Variants in LRP6 observed in about 807,000 individuals in gnomAD.
LRP6 encodes LDL receptor related protein 6.
A neutral mutation model predicts 184.1 loss-of-function variants in LRP6; 43 were observed. That is an observed-to-expected ratio of 0.23 (90% confidence interval 0.18 to 0.30). LRP6 has a LOEUF of 0.30. LRP6 is among the 10% of genes least tolerant of loss of function. The pLI, the probability that LRP6 is intolerant of heterozygous loss-of-function variation, is 1.00. For missense variants in LRP6, 1,571 were observed against 2,005.3 expected, an observed-to-expected ratio of 0.78 and a Z score of 4.14; for synonymous variants, 719 against 684.9, an observed-to-expected ratio of 1.05 and a Z score of -0.78.
At chr12:12,177,412 A>C (rs1261312823) in intron 7 of LRP6, among the ~76,000 whole-genome samples, 2 of 152,276 alleles carry the variant, frequency 1.3e-5, no homozygotes, top group South Asian at 2.1e-4. Context: ...TCTTTGTAAA[A>C]GTTTTCAAGT....
chr12:12,139,022 ACT>A (rs1361052297), intron 15 of LRP6: 2 of 1,298,362 alleles, frequency 1.5e-6, no homozygotes, highest in Non-Finnish European at 2.0e-6. Context: ...AGTCATCCAG[ACT>A]CTGAGGAGGC....
intron 1 of LRP6, among the ~76,000 whole-genome samples, chr12:12,247,851 C>T (rs957894946): frequency 2.6e-5 from 4 of 152,132 alleles, no homozygotes; most frequent in African/African-American, 9.7e-5. Context: ...AAATAATCAC[C>T]ATCACTTCTC....
At chr12:12,177,406 T>C (rs1171548173) in intron 7 of LRP6, among the ~76,000 whole-genome samples, 1 of 152,182 alleles carries the variant, frequency 6.6e-6, no homozygotes, top group Admixed American at 6.5e-5. Flanking sequence ...TATACATCTT[T>C]GTAAAAGTTT....
intron 2 of LRP6, among the ~76,000 whole-genome samples, chr12:12,228,574 C>G (rs7960716): frequency 0.13 from 19,691 of 152,152 alleles, 1,657 homozygotes; most frequent in African/African-American, 0.24. Context: ...TAGGAACTGG[C>G]CGCACAGCAG....
intron 7 of LRP6, among the ~76,000 whole-genome samples, chr12:12,171,421 T>C (rs927198843): frequency 3.3e-5 from 5 of 151,252 alleles, no homozygotes; most frequent in Admixed American, 1.3e-4. Context: ...ACTCAGGAGG[T>C]TGAGGCAGGA....
At chr12:12,185,502 G>C (rs1275804217) in intron 4 of LRP6, among the ~76,000 whole-genome samples, 1 of 152,126 alleles carries the variant, frequency 6.6e-6, no homozygotes, top group East Asian at 1.9e-4. Context: ...AACATATGTT[G>C]CAAAATCTCT....
At chr12:12,255,261 A>T (rs1401254705) in intron 1 of LRP6, among the ~76,000 whole-genome samples, 1 of 151,920 alleles carries the variant, frequency 6.6e-6, no homozygotes, top group East Asian at 1.9e-4. Flanking sequence ...AAGAAAGTAG[A>T]TGCACAACTT....
Position 12,267,024 on chromosome 12 carries a change from C to G in LRP6, c.-289G>C. ...GCAGCTCCTCATTCAGCCTCTGCCTCGCGCAGCGGCGCAGGGATACGGTCG... is the reference window on the plus strand; with the variant it reads ...GCAGCTCCTCATTCAGCCTCTGCCTGGCGCAGCGGCGCAGGGATACGGTCG... On this transcript the variant is annotated 5_prime_UTR_variant, in exon 1 of 23. Coordinates refer to ENST00000261349, the MANE Select transcript of LRP6 (RefSeq NM_002336.3). 1 of 469,370 alleles carries G rather than the reference C, an allele frequency of 2.1e-6. No homozygotes were observed. Among genetic ancestry groups the G allele is most frequent in the Non-Finnish European group, 3.8e-6 (1 of 266,348 alleles). The allele number at this position is 469,370 out of a possible 1,614,324, so 29.1% of individuals were successfully genotyped here. A position where few individuals can be genotyped will look rare whatever the true frequency, so the allele number is the denominator to read the frequency against.
intron 1 of LRP6, among the ~76,000 whole-genome samples, chr12:12,256,494 G>A (rs377033622): frequency 6.6e-6 from 1 of 150,678 alleles, no homozygotes; most frequent in African/African-American, 2.4e-5. Context: ...CTGGGTGACA[G>A]AGACACCAGC....
At chr12:12,176,542 GTACAATA>G (rs1753661908) in intron 7 of LRP6, among the ~76,000 whole-genome samples, 1 of 152,010 alleles carries the variant, frequency 6.6e-6, no homozygotes, top group Non-Finnish European at 1.5e-5. Flanking sequence ...CTACAACTCT[GTACAATA>G]TAAAAACACA....
At chr12:12,262,080 T>G (rs889256289) in intron 1 of LRP6, among the ~76,000 whole-genome samples, 1 of 152,044 alleles carries the variant, frequency 6.6e-6, no homozygotes, top group African/African-American at 2.4e-5. Context: ...CCATCTCTAC[T>G]AAAAATACAA....
In LRP6 at chr12:12,244,258, T is replaced by G. The variant is rs760037288; in HGVS notation, c.449+4A>C. 6.2e-7 allele frequency: 1 copy of G among 1,614,074 alleles called. No homozygotes were observed. The highest frequency in any genetic ancestry group is 8.5e-7 in the Non-Finnish European group (1 of 1,179,978). ...TGATCTTCGTACACTGTACAAAAAC[T>G]TACCCACTTGAAGGATCTAAGGCAA... On this transcript the variant is annotated splice_donor_region_variant and intron_variant, in intron 2 of 22. Transcript: ENST00000261349.
intron 3 of LRP6, among the ~76,000 whole-genome samples, chr12:12,198,311 T>C (rs115809851): frequency 6.6e-6 from 1 of 152,156 alleles, no homozygotes. Context: ...ATTATCTGTA[T>C]GTTGTTTCTT....
At chr12:12,245,906 A>G (rs1434137284) in intron 1 of LRP6, among the ~76,000 whole-genome samples, 1 of 152,058 alleles carries the variant, frequency 6.6e-6, no homozygotes, top group Non-Finnish European at 1.5e-5. Flanking sequence ...TCTCCACTGC[A>G]TAACACAGTA....
intron 15 of LRP6, among the ~76,000 whole-genome samples, chr12:12,139,403 T>A (rs576357164): frequency 1.3e-5 from 2 of 152,270 alleles, no homozygotes; most frequent in East Asian, 1.9e-4. Flanking sequence ...ATATATTCTC[T>A]CCTAAAACTC....
chr12:12,245,408 G>A lies in LRP6; in HGVS notation c.56-753C>T, dbSNP rs114609051. ...AAAAACACAAAGCAGATCAATGGCT[G>A]TCTCAAAATAGGGAAAGAAGGTGCA... On this transcript the variant is annotated intron_variant, in intron 1 of 22. Transcript: ENST00000261349. Among the ~76,000 whole-genome samples, 464 of 152,270 alleles carry A rather than the reference G, an allele frequency of 3.0e-3. 3 individuals are homozygous for A. The highest frequency in any genetic ancestry group is 0.011 in the African/African-American group (437 of 41,558).
In LRP6 at chr12:12,203,400, C is replaced by T. The variant is rs768584838; in HGVS notation, c.450G>A (p.Gly150=). The T allele has an allele frequency of 1.6e-5, 26 of 1,608,264 alleles. No homozygotes were observed. Among genetic ancestry groups the T allele is most frequent in the Non-Finnish European group, 2.2e-5 (26 of 1,174,676 alleles). Residue 150 remains glycine (G), a splice_region_variant and synonymous_variant, in exon 3 of 23, where the codon GGG becomes GGA. Coordinates refer to ENST00000261349, the MANE Select transcript of LRP6 (RefSeq NM_002336.3). The part of the protein sequence containing the change: ...PRAIALDPSS[G]FMYWTDWGEV... ...CTCCCCAGTCTGTCCAGTACATGAA[C>T]CTAAAAATCATAAAAATAATTAAAG...
chr12:12,264,336 CTG>C (rs1865703920), intron 1 of LRP6, among the ~76,000 whole-genome samples: 1 of 152,092 alleles, frequency 6.6e-6, no homozygotes, highest in Admixed American at 6.6e-5. Flanking sequence ...AGTAAAGAAA[CTG>C]AGACCTAGAG....
intron 3 of LRP6, among the ~76,000 whole-genome samples, chr12:12,191,290 C>T (rs1863608052): frequency 6.6e-6 from 1 of 152,004 alleles, no homozygotes; most frequent in Admixed American, 6.6e-5. Context: ...TCACTGGGAG[C>T]GGACTGAAAA....
Sources: gnomAD v4.1 joint callset for allele counts (sites outside exome capture counted in the v4.1 genomes callset) on GRCh38, gnomAD v4.1.1 for gene constraint, MANE v1.5 for transcripts, NCBI Gene and HGNC (gene_info 2026-07-23, HGNC 2026-07-21) for gene names.